Variants in PLXNA4 observed in about 807,000 individuals in gnomAD.
The protein encoded by PLXNA4 is plexin-A4.
In PLXNA4, 44 loss-of-function variants were observed where a neutral mutation model predicts 191.8. That is an observed-to-expected ratio of 0.23 (90% confidence interval 0.18 to 0.29). The LOEUF (loss-of-function observed/expected upper bound fraction) is 0.29. Ranked by LOEUF, PLXNA4 falls within the 10% of genes least tolerant of loss-of-function variation. The pLI, the probability that PLXNA4 is intolerant of heterozygous loss-of-function variation, is 1.00. For synonymous variants in PLXNA4, 1,082 were observed against 1,009.5 expected (o/e 1.07, Z -1.36); for missense variants, 1,800 against 2,488.8 (o/e 0.72, Z 5.89).
At chr7:132,322,667 G>T (rs1238066284) in intron 3 of PLXNA4, among the ~76,000 whole-genome samples, 1 of 152,166 alleles carries the variant, frequency 6.6e-6, no homozygotes, top group Non-Finnish European at 1.5e-5. Flanking sequence ...TAGGTGAGTT[G>T]CTCCGTCACT....
Position 132,148,569 on chromosome 7 carries a change from G to A in PLXNA4, c.4738C>T (p.Arg1580Ter), listed in dbSNP as rs1416708653. The A allele has an allele frequency of 6.2e-7, 1 of 1,614,006 alleles. No individual in the cohort carries two copies. Residue 1580 changes from arginine (R) to a stop codon, truncating the protein, a stop_gained, in exon 26 of 32, where the codon CGA becomes TGA. Coordinates refer to ENST00000321063, the MANE Select transcript of PLXNA4 (RefSeq NM_020911.2). LOFTEE classifies it high-confidence loss of function. ...ITTKIENDWK[R>*]LNTLAHYQVP... Reference sequence around the variant, plus strand: ...TGGTAGTGGGCCAGTGTGTTCAGTCGCTTCCAATCATTCTCAATCTTGGTG... The same window carrying A: ...TGGTAGTGGGCCAGTGTGTTCAGTCACTTCCAATCATTCTCAATCTTGGTG...
chr7:132,396,930 A>AGCCTC (rs1334604062), intron 3 of PLXNA4, among the ~76,000 whole-genome samples: 1 of 152,214 alleles, frequency 6.6e-6, no homozygotes, highest in Non-Finnish European at 1.5e-5. Context: ...TGGGAAATAG[A>AGCCTC]GCCTCCAGGG....
At chr7:132,166,519 G>A (rs987076338) in intron 22 of PLXNA4, among the ~76,000 whole-genome samples, 2 of 151,754 alleles carry the variant, frequency 1.3e-5, no homozygotes, top group Admixed American at 1.3e-4. Flanking sequence ...TCTGGATAGA[G>A]TTTAAAGTTG....
chr7:132,500,512 A>T (rs1192108601), intron 2 of PLXNA4, among the ~76,000 whole-genome samples: 1 of 152,148 alleles, frequency 6.6e-6, no homozygotes. Context: ...ATAATAATAA[A>T]GGCAGCTGGA....
At chr7:132,331,482 G>A (rs999972014) in intron 3 of PLXNA4, among the ~76,000 whole-genome samples, 2 of 152,216 alleles carry the variant, frequency 1.3e-5, no homozygotes, top group Non-Finnish European at 2.9e-5. Flanking sequence ...TGGGGCATCA[G>A]GTCTGAGTCT....
chr7:132,636,765 T>C (rs565735265), intron 2 of PLXNA4, among the ~76,000 whole-genome samples: 133 of 152,144 alleles, frequency 8.7e-4, no homozygotes, highest in Non-Finnish European at 1.7e-3. Context: ...GCCTAGCAGT[T>C]CTCTGAGCTT....
chr7:132,616,855 C>T (rs1803166529), intron 2 of PLXNA4, among the ~76,000 whole-genome samples: 1 of 152,106 alleles, frequency 6.6e-6, no homozygotes, highest in Admixed American at 6.6e-5. Flanking sequence ...TTCCAGTTGC[C>T]CTTCCTTTCC....
At chr7:132,622,674 G>C (rs73432852) in intron 2 of PLXNA4, among the ~76,000 whole-genome samples, 8,002 of 152,220 alleles carry the variant, frequency 0.053, 714 homozygotes, top group African/African-American at 0.18. Flanking sequence ...AGCGCATCAG[G>C]CTTGAGGGAC....
rs1239020699 is a variant in PLXNA4 at position 132,165,350 on chromosome 7, TGA to T, written c.4287-152_4287-151del. Reference sequence around the variant, plus strand: ...CCAAACCTTGCGATCCTAATGAATATGAGAGTTTCATGGACTCCTAGACGCCC... The same window carrying T: ...CCAAACCTTGCGATCCTAATGAATATGAGTTTCATGGACTCCTAGACGCCC... On this transcript the variant is annotated intron_variant, in intron 22 of 31. Transcript: ENST00000321063. 41 of 1,253,510 alleles carry T rather than the reference TGA, an allele frequency of 3.3e-5. 1 individual carries two copies. The African/African-American group carries it at 5.5e-4, about 17-fold the overall frequency. 77.6% of individuals were successfully genotyped at this position (1,253,510 alleles called of 1,614,324 possible).
chr7:132,489,396 G>A lies in PLXNA4; in HGVS notation c.1267C>T (p.Pro423Ser). The change falls in exon 3 of 32, where the codon CCC (proline) becomes TCC (serine). Residue 423 changes from proline to serine, a missense_variant. Around this residue, in one of 6 missense-constraint regions of PLXNA4, gnomAD observed 1,397 missense variants for 1,880.4 expected, o/e 0.74. Transcript: ENST00000321063. ...LGVSDMVRGI[P>S]VFTEDRDRMT... ...CGGTCCCTGTCCTCCGTGAAGACGG[G>A]AATTCCACGCACCATGTCGGACACT... is the stretch of plus-strand genomic sequence containing the variant. 6.2e-7 allele frequency: 1 copy of A among 1,606,334 alleles called. No homozygotes were observed. The highest frequency in any genetic ancestry group is 8.5e-7 in the Non-Finnish European group (1 of 1,173,444).
chr7:132,273,276 T>C (rs919480066), intron 4 of PLXNA4, among the ~76,000 whole-genome samples: 3 of 152,024 alleles, frequency 2.0e-5, no homozygotes, highest in African/African-American at 7.3e-5. Flanking sequence ...CACTGGAAAC[T>C]CTTTGTTTGG....
In PLXNA4 at chr7:132,498,105, A is replaced by G. The variant is rs539441294; in HGVS notation, c.1189-8631T>C. 5.9e-4 allele frequency among the ~76,000 whole-genome samples: 90 copies of G among 152,310 alleles called. 1 individual carries two copies. Among genetic ancestry groups the G allele is most frequent in the African/African-American group, 2.0e-3 (84 of 41,570 alleles). On this transcript the variant is annotated intron_variant, in intron 2 of 31. Coordinates refer to ENST00000321063, the MANE Select transcript of PLXNA4 (RefSeq NM_020911.2). ...GCTTCAGATCAACCACTGCCCAAAA[A>G]TAGAAGAGTAGAGCACAATAAGGGA...
At chr7:132,504,471 A>G (rs1269416308) in intron 2 of PLXNA4, among the ~76,000 whole-genome samples, 1 of 152,192 alleles carries the variant, frequency 6.6e-6, no homozygotes, top group Non-Finnish European at 1.5e-5. Context: ...AAAGGGCTAG[A>G]AAAGCCTGAA....
At chr7:132,321,068 C>A (rs1460194745) in intron 3 of PLXNA4, among the ~76,000 whole-genome samples, 1 of 152,170 alleles carries the variant, frequency 6.6e-6, no homozygotes, top group Non-Finnish European at 1.5e-5. Flanking sequence ...TGGCACATCA[C>A]CTGGCTCCAC....
chr7:132,535,788 T>C (rs887173401), intron 1 of PLXNA4, among the ~76,000 whole-genome samples: 1 of 5,244 alleles, frequency 1.9e-4, no homozygotes, highest in Non-Finnish European at 0.012. Context: ...CATCTTCCCC[T>C]GCACCAATAG....
chr7:132,442,066 C>A (rs1795718054), intron 3 of PLXNA4, among the ~76,000 whole-genome samples: 2 of 152,186 alleles, frequency 1.3e-5, no homozygotes, highest in South Asian at 2.1e-4. Flanking sequence ...GCTGGAGAAC[C>A]ACGTGCTCAC....
In PLXNA4 at chr7:132,446,267, C is replaced by T. The variant is rs146527055; in HGVS notation, c.1371+43025G>A. On this transcript the variant is annotated intron_variant, in intron 3 of 31. Transcript: ENST00000321063. ...GTTAGGTAATATTAATAACAACATACGAACAACAACAAATACCCCATTATA... is the reference window on the plus strand; with the variant it reads ...GTTAGGTAATATTAATAACAACATATGAACAACAACAAATACCCCATTATA... Among the ~76,000 whole-genome samples the T allele has an allele frequency of 2.6e-3, 393 of 152,304 alleles. 3 individuals are homozygous for T. Among genetic ancestry groups the T allele is most frequent in the African/African-American group, 8.8e-3 (366 of 41,570 alleles).
chr7:132,211,829 G>T (rs932365811), intron 9 of PLXNA4, among the ~76,000 whole-genome samples: 2 of 152,200 alleles, frequency 1.3e-5, no homozygotes, highest in African/African-American at 4.8e-5. Flanking sequence ...GGAGCCACAG[G>T]AGCCCAGATG....
chr7:132,455,173 G>A (rs762565594), intron 3 of PLXNA4, among the ~76,000 whole-genome samples: 2 of 152,194 alleles, frequency 1.3e-5, no homozygotes, highest in African/African-American at 2.4e-5. Flanking sequence ...TGGTCATCAC[G>A]GTGGCTGTTC....
Sources: allele counts gnomAD v4.1 joint callset (sites outside exome capture counted in the v4.1 genomes callset), GRCh38; gene constraint gnomAD v4.1.1; regional missense constraint gnomAD v4.1.1; transcripts MANE v1.5; gene names NCBI Gene and HGNC (gene_info 2026-07-23, HGNC 2026-07-21).